Variants in SEC14L5 observed in about 807,000 individuals in gnomAD.
SEC14L5 encodes SEC14-like protein 5.
SEC14L5 carries 96 observed loss-of-function variants against 84.6 expected under a neutral mutation model. The observed-to-expected ratio is 1.13, with a 90% confidence interval of 0.96 to 1.34. The LOEUF is 1.34. SEC14L5 is among the 40% of genes most tolerant of loss of function. The probability of loss-of-function intolerance (pLI) is 0.00; values close to 1 mark genes in which losing one functional copy is unlikely to be tolerated. For missense variants in SEC14L5, 1,224 were observed against 942.5 expected (o/e 1.30, Z -3.91); for synonymous variants, 546 against 383.4 (o/e 1.42, Z -4.95).
chr16:5,011,175 C>G lies in SEC14L5; in HGVS notation c.1881C>G (p.Ser627Arg). The G allele has an allele frequency of 1.9e-6, 3 of 1,613,618 alleles. No homozygotes were observed. Among genetic ancestry groups the G allele is most frequent in the South Asian group, 1.1e-5 (1 of 91,030 alleles). ...MHSPPSSVACSLPGVDDVLTA... is the reference protein window; with the variant it reads ...MHSPPSSVACRLPGVDDVLTA... ...GCCCCCCCAGCAGCGTGGCCTGCAG[C>G]CTCCCGGGTGTGGACGATGTCCTGA... The change falls in exon 15 of 16, where the codon AGC becomes AGG. Residue 627 changes from serine to arginine, a missense_variant. Ser to Arg is a moderately radical substitution (Grantham distance 110, BLOSUM62 -1). Coordinates refer to ENST00000251170, the MANE Select transcript of SEC14L5 (RefSeq NM_014692.2).
chr16:5,014,760 G>C (rs542013231), intron 15 of SEC14L5, 99 bp from the exon 16 acceptor site: 2 of 865,204 alleles, frequency 2.3e-6, no homozygotes, highest in South Asian at 3.1e-5. Context: ...GGGCCCTGGG[G>C]CCTGATTTGC....
At chr16:4,982,247 G>T (rs1596623409) in intron 2 of SEC14L5, among the ~76,000 whole-genome samples, 1 of 152,290 alleles carries the variant, frequency 6.6e-6, no homozygotes, top group East Asian at 1.9e-4. Context: ...GGAGCCAGGA[G>T]GGAAGGGGGA....
intron 2 of SEC14L5, among the ~76,000 whole-genome samples, chr16:4,984,648 G>A (rs1341023256): frequency 6.6e-6 from 1 of 152,206 alleles, no homozygotes; most frequent in Non-Finnish European, 1.5e-5. Flanking sequence ...TTACATACAC[G>A]TGGGAGGGTT....
chr16:4,966,497 A>T (rs1955202001), intron 2 of SEC14L5, among the ~76,000 whole-genome samples: 1 of 150,088 alleles, frequency 6.7e-6, no homozygotes, highest in Non-Finnish European at 1.5e-5. Flanking sequence ...CTGGTCTGGA[A>T]CTCCTGACCT....
chr16:4,988,842 C>G (rs1225330379), intron 4 of SEC14L5, among the ~76,000 whole-genome samples: 1 of 152,254 alleles, frequency 6.6e-6, no homozygotes, highest in Non-Finnish European at 1.5e-5. Flanking sequence ...GTGATGAGCA[C>G]CCAGCAGTGG....
chr16:4,979,364 C>A (rs913068548), intron 2 of SEC14L5, among the ~76,000 whole-genome samples: 3 of 152,204 alleles, frequency 2.0e-5, no homozygotes, highest in East Asian at 1.9e-4. Context: ...AGCTGTGCGA[C>A]TATGGGCAAG....
intron 2 of SEC14L5, among the ~76,000 whole-genome samples, chr16:4,982,891 G>A (rs141775806): frequency 8.3e-4 from 126 of 152,116 alleles, no homozygotes; most frequent in African/African-American, 2.9e-3. Flanking sequence ...CCCTCTAATG[G>A]CTCACAGGAA....
rs1173543950 is a variant in SEC14L5 at position 5,017,939 on chromosome 16, T to C, written c.*2969T>C. On this transcript the variant is annotated 3_prime_UTR_variant, in exon 16 of 16. Coordinates refer to ENST00000251170, the MANE Select transcript of SEC14L5 (RefSeq NM_014692.2). ...TGGGCTTCTTGCATCATTAGTTCAT[T>C]AATCCATTGTGACCAGGACAGAAGC... is the stretch of plus-strand genomic sequence containing the variant. 1 of 152,248 alleles carries C rather than the reference T, an allele frequency of 6.6e-6. No individual in the cohort carries two copies. The highest frequency in any genetic ancestry group is 1.5e-5 in the Non-Finnish European group (1 of 68,046). The allele number at this position is 152,248 out of a possible 1,614,324, so 9.4% of individuals were successfully genotyped here.
intron 6 of SEC14L5, 75 bp from the exon 7 acceptor site, chr16:4,996,273 G>T (rs1955607237): frequency 2.2e-6 from 2 of 893,154 alleles, no homozygotes; most frequent in South Asian, 1.6e-5. Flanking sequence ...AGCCAGTAAG[G>T]AATGGCACAC....
At chr16:4,966,933 G>A (rs535282994) in intron 2 of SEC14L5, among the ~76,000 whole-genome samples, 7 of 152,282 alleles carry the variant, frequency 4.6e-5, no homozygotes, top group East Asian at 1.9e-4. Flanking sequence ...CTGGCACACC[G>A]GCCAAGCCCG....
intron 6 of SEC14L5, among the ~76,000 whole-genome samples, chr16:4,995,141 G>C (rs1955595788): frequency 6.6e-6 from 1 of 152,190 alleles, no homozygotes; most frequent in African/African-American, 2.4e-5. Context: ...GGGTGCTGCT[G>C]GCCGTTCATT....
intron 2 of SEC14L5, among the ~76,000 whole-genome samples, chr16:4,966,317 A>T (rs570863228): frequency 8.7e-6 from 1 of 115,218 alleles, no homozygotes; most frequent in African/African-American, 3.5e-5. Context: ...TCTGTCACCC[A>T]GGCTGGAGTG....
chr16:4,959,476 T>A, intron 2 of SEC14L5, 90 bp downstream of exon 2: 1 of 1,100,564 alleles, frequency 9.1e-7, no homozygotes, highest in African/African-American at 1.5e-5. Context: ...CTCCTTAGAC[T>A]CCCAGATCAG....
intron 15 of SEC14L5, 36 bp downstream of exon 15, chr16:5,011,309 G>T (rs1262478374): frequency 2.5e-6 from 4 of 1,597,014 alleles, no homozygotes; most frequent in Non-Finnish European, 3.4e-6. Context: ...TGGGCAGGAA[G>T]GACCCTGGGG....
At chr16:5,007,305 A>G in intron 12 of SEC14L5, 47 bp from the exon 13 acceptor site, 1 of 1,590,990 alleles carries the variant, frequency 6.3e-7, no homozygotes, top group Non-Finnish European at 8.6e-7. Flanking sequence ...CAGGCCAGCC[A>G]GGCCTCAACT....
At chr16:4,968,530 T>C (rs941643928) in intron 2 of SEC14L5, among the ~76,000 whole-genome samples, 1 of 152,220 alleles carries the variant, frequency 6.6e-6, no homozygotes, top group African/African-American at 2.4e-5. Flanking sequence ...TCTCCCTATG[T>C]TGCCCATGCT....
rs1202336868 is a variant in SEC14L5, at chr16:4,966,268, T to C, written c.63+6882T>C. Among the ~76,000 whole-genome samples the C allele has an allele frequency of 5.3e-4, 32 of 60,090 alleles. 1 individual carries two copies. Among genetic ancestry groups the C allele is most frequent in the Admixed American group, 5.4e-4 (3 of 5,532 alleles). The allele number at this position is 60,090 out of a possible 152,430, so 39.4% of individuals were successfully genotyped here. ...GGCGTGACCCACCGCGCCCGGCCTC[T>C]TTTTTTTTTTTTTTTTTTTTTTTGA... On this transcript the variant is annotated intron_variant, in intron 2 of 15. Coordinates refer to ENST00000251170, the MANE Select transcript of SEC14L5 (RefSeq NM_014692.2).
Position 4,987,653 on chromosome 16 carries a change from G to A in SEC14L5, c.160G>A (p.Val54Met), listed in dbSNP as rs1335249011. The change falls in exon 3 of 16, where the codon GTG becomes ATG. Residue 54 changes from valine to methionine, a missense_variant. Physicochemically the swap from Val to Met is conservative, Grantham distance 21. Coordinates refer to ENST00000251170, the MANE Select transcript of SEC14L5 (RefSeq NM_014692.2). ...ESRSPDGAVHVVERSCRLRVD... is the reference protein window; with the variant it reads ...ESRSPDGAVHMVERSCRLRVD... ...CCGCAGCCCGGACGGGGCTGTGCACGTGGTGGAGCGGAGCTGCCGGCTGCG... is the reference window on the plus strand; with the variant it reads ...CCGCAGCCCGGACGGGGCTGTGCACATGGTGGAGCGGAGCTGCCGGCTGCG... 1.3e-6 allele frequency: 2 copies of A among 1,551,642 alleles called. No individual in the cohort carries two copies. Among genetic ancestry groups the A allele is most frequent in the Admixed American group, 1.9e-5 (1 of 51,640 alleles).
chr16:5,011,376 G>A (rs1298291426), intron 15 of SEC14L5, 103 bp downstream of exon 15: 11 of 1,208,136 alleles, frequency 9.1e-6, no homozygotes, highest in South Asian at 5.8e-5. Flanking sequence ...AGCTTCTCCC[G>A]GGGTGGGACC....
Sources: allele counts gnomAD v4.1 joint callset (sites outside exome capture counted in the v4.1 genomes callset), GRCh38; gene constraint gnomAD v4.1.1; transcripts MANE v1.5; gene names NCBI Gene and HGNC (gene_info 2026-07-23, HGNC 2026-07-21).